PLEKHG1: variants seen among roughly 807,000 people sequenced by gnomAD.
The protein encoded by PLEKHG1 is pleckstrin homology and RhoGEF domain containing G1.
PLEKHG1 carries 44 observed loss-of-function variants against 100.8 expected under a neutral mutation model. The ratio of observed to expected loss-of-function variants is 0.44; its 90% CI spans 0.34 to 0.56. The LOEUF is 0.56. PLEKHG1 is among the 20% of genes least tolerant of loss of function. The pLI, the probability that PLEKHG1 is intolerant of heterozygous loss-of-function variation, is 0.01. For missense variants in PLEKHG1, 1,545 were observed against 1,720.9 expected (o/e 0.90, Z 1.81); for synonymous variants, 640 against 662.5 (o/e 0.97, Z 0.52).
chr6:150,725,290 C>T (rs746649162), intron 1 of PLEKHG1, among the ~76,000 whole-genome samples: 49 of 152,120 alleles, frequency 3.2e-4, no homozygotes, highest in African/African-American at 1.1e-3. Context: ...TCCCAACAGC[C>T]CCCCCTCCTA....
intron 2 of PLEKHG1, among the ~76,000 whole-genome samples, chr6:150,764,261 G>A (rs1784343664): frequency 6.6e-6 from 1 of 151,876 alleles, no homozygotes; most frequent in South Asian, 2.1e-4. Flanking sequence ...GAGATTAACA[G>A]GTGCCTGCCA....
At chr6:150,802,664 A>AT (rs71554484) in intron 6 of PLEKHG1, among the ~76,000 whole-genome samples, 61,265 of 143,098 alleles carry the variant, frequency 0.43, 14,587 homozygotes, top group Non-Finnish European at 0.53. Context: ...CATTCACATC[A>AT]TTTTTTTTTT....
At chr6:150,733,640 A>C in exon 2 of PLEKHG1, 1 of 1,614,104 alleles carries the variant, frequency 6.2e-7, no homozygotes. Context: ...TCCACATCCC[A>C]AGACGACAGC....
chr6:150,775,381 T>C (rs1475558569), intron 3 of PLEKHG1, among the ~76,000 whole-genome samples: 2 of 152,226 alleles, frequency 1.3e-5, no homozygotes, highest in African/African-American at 2.4e-5. Context: ...GACATTCAAT[T>C]GTTTCTTAGG....
chr6:150,623,971 G>C (rs1306375883), intron 1 of PLEKHG1, among the ~76,000 whole-genome samples: 2 of 152,204 alleles, frequency 1.3e-5, no homozygotes, highest in Non-Finnish European at 2.9e-5. Flanking sequence ...CAGCAGTTGA[G>C]CTGGATGCAG....
Position 150,659,575 on chromosome 6 carries a change from G to C in PLEKHG1, c.-99+8789G>C, listed in dbSNP as rs568475229. ...CATAGTGAGTGCCTGGCCCTTGGCA[G>C]ACTGTCAAATGGAGCTATGGAGCAG... On this transcript the variant is annotated intron_variant, in intron 3 of 3. Coordinates refer to the PLEKHG1 transcript ENST00000367326. Among the ~76,000 whole-genome samples the C allele has an allele frequency of 9.2e-5, 14 of 152,350 alleles. No individual in the cohort carries two copies. In the East Asian group the frequency reaches 2.7e-3, roughly 29 times the overall value.
At chr6:150,620,120 T>G (rs1198978423) in intron 1 of PLEKHG1, among the ~76,000 whole-genome samples, 1 of 152,250 alleles carries the variant, frequency 6.6e-6, no homozygotes, top group African/African-American at 2.4e-5. Flanking sequence ...GTGTTTATTT[T>G]TATTGTGTTT....
At chr6:150,748,615 C>CTTTTTTTT (rs746682669) in intron 2 of PLEKHG1, among the ~76,000 whole-genome samples, 2 of 118,196 alleles carry the variant, frequency 1.7e-5, no homozygotes, top group African/African-American at 3.4e-5. Flanking sequence ...TACCTTTGAC[C>CTTTTTTTT]TTTTTTTTTT....
At chr6:150,733,178 TA>T (rs1403740983) in intron 1 of PLEKHG1, among the ~76,000 whole-genome samples, 1 of 152,210 alleles carries the variant, frequency 6.6e-6, no homozygotes, top group Non-Finnish European at 1.5e-5. Flanking sequence ...TGGTGCTTGT[TA>T]AAGTGATCAA....
chr6:150,630,417 T>A (rs1287234557), intron 1 of PLEKHG1, among the ~76,000 whole-genome samples: 1 of 152,068 alleles, frequency 6.6e-6, no homozygotes, highest in Non-Finnish European at 1.5e-5. Flanking sequence ...CATGGTTGAG[T>A]GTCTGCTGAG....
At chr6:150,633,731 C>G (rs534841520) in intron 1 of PLEKHG1, among the ~76,000 whole-genome samples, 5 of 151,934 alleles carry the variant, frequency 3.3e-5, no homozygotes, top group Non-Finnish European at 5.9e-5. Flanking sequence ...TACTAATGGC[C>G]GAGGGGAGGA....
intron 2 of PLEKHG1, among the ~76,000 whole-genome samples, chr6:150,746,931 G>A (rs950650920): frequency 6.6e-6 from 1 of 152,188 alleles, no homozygotes; most frequent in Non-Finnish European, 1.5e-5. Flanking sequence ...GCCTGTAACT[G>A]CAAAGTTCCT....
intron 3 of PLEKHG1, among the ~76,000 whole-genome samples, chr6:150,710,783 T>C (rs1246531252): frequency 6.6e-6 from 1 of 152,164 alleles, no homozygotes; most frequent in Non-Finnish European, 1.5e-5. Flanking sequence ...CTGGATGGTC[T>C]TTTCTCTTTG....
intron 1 of PLEKHG1, among the ~76,000 whole-genome samples, chr6:150,601,968 T>C (rs1413399005): frequency 6.6e-6 from 1 of 152,228 alleles, no homozygotes; most frequent in East Asian, 1.9e-4. Context: ...ATTCAGGCTG[T>C]AGTTCAAAGA....
intron 13 of PLEKHG1, among the ~76,000 whole-genome samples, chr6:150,821,449 C>T (rs964757179): frequency 6.6e-6 from 1 of 152,094 alleles, no homozygotes; most frequent in African/African-American, 2.4e-5. Context: ...TTTGGGAGGC[C>T]GAGGCGGGCG....
chr6:150,700,355 T>C (rs887125737), intron 3 of PLEKHG1, among the ~76,000 whole-genome samples: 1 of 152,114 alleles, frequency 6.6e-6, no homozygotes, highest in East Asian at 1.9e-4. Flanking sequence ...TCTGCGAACT[T>C]GCTAGAAATC....
At chr6:150,818,423 T>G (rs1027234654) in intron 11 of PLEKHG1, among the ~76,000 whole-genome samples, 5 of 152,228 alleles carry the variant, frequency 3.3e-5, no homozygotes, top group African/African-American at 9.6e-5. Flanking sequence ...TCTGAGTCCC[T>G]TGATGGCTGG....
At position 150,694,891 on chromosome 6, in the gene PLEKHG1, C is replaced by A. The variant is rs894338406; in HGVS notation, c.-98-38693C>A. ...TTAGTAGCTGGAGTTATCAACATAT[C>A]TGCCTTCTGTGCTAGTAAATTTTTA... On this transcript the variant is annotated intron_variant, in intron 3 of 3. Coordinates refer to the PLEKHG1 transcript ENST00000367326. Among the ~76,000 whole-genome samples the A allele has an allele frequency of 3.3e-5, 5 of 152,006 alleles. No individual in the cohort carries two copies. In the East Asian group the frequency reaches 7.7e-4, roughly 23 times the overall value.
At chr6:150,774,685 C>T (rs576387909) in intron 3 of PLEKHG1, among the ~76,000 whole-genome samples, 3 of 151,614 alleles carry the variant, frequency 2.0e-5, no homozygotes, top group South Asian at 2.1e-4. Context: ...GGACTACAGG[C>T]ACAGGCCACC....
Sources: allele counts gnomAD v4.1 joint callset (sites outside exome capture counted in the v4.1 genomes callset), GRCh38; gene constraint gnomAD v4.1.1; transcripts MANE v1.5; gene names NCBI Gene and HGNC (gene_info 2026-07-23, HGNC 2026-07-21).